Variants in ZNF182 observed in about 807,000 individuals in gnomAD.
ZNF182 encodes zinc finger protein 182.
In ZNF182, 10 loss-of-function variants were observed where a neutral mutation model predicts 28.1. The observed-to-expected ratio is 0.36, with a 90% CI of 0.22 to 0.60. The LOEUF (loss-of-function observed/expected upper bound fraction) is 0.60. Among genes scored for constraint, ZNF182 ranks in the 20% least tolerant of loss-of-function variants. The pLI is 0.75. For synonymous variants in ZNF182, 156 were observed against 158.7 expected (o/e 0.98, Z 0.13); for missense variants, 352 against 453.2 (o/e 0.78, Z 2.03).
In ZNF182 at chrX:47,981,697, G is replaced by A. The variant is rs2872484; in HGVS notation, c.232+1252C>T. ...AGGTGGATCACAAGGTCAGGAGATC[G>A]AGATCATCCTGGCTAACACGGTGAA... is the stretch of plus-strand genomic sequence containing the variant. On this transcript the variant is annotated intron_variant, in intron 5 of 5. Coordinates refer to ENST00000376943, the MANE Select transcript of ZNF182 (RefSeq NM_001007088.2). Among the ~76,000 whole-genome samples the A allele has an allele frequency of 4.6e-3, 516 of 111,354 alleles. 2 individuals are homozygous for A. Among genetic ancestry groups the A allele is most frequent in the Middle Eastern group, 0.019 (4 of 215 alleles).
chrX:47,988,635 C>T, intron 3 of ZNF182: 1 of 367,302 alleles, frequency 2.7e-6, no homozygotes, highest in Non-Finnish European at 4.8e-6. Context: ...CCAAATAAAC[C>T]ACTTTTCTTT....
Position 47,976,262 on chromosome X carries a change from G to A in ZNF182, c.1768C>T (p.Gln590Ter). 1 of 1,202,576 alleles carries A rather than the reference G, an allele frequency of 8.3e-7. No individual in the cohort carries two copies. The highest frequency in any genetic ancestry group is 1.1e-6 in the Non-Finnish European group (1 of 892,149). Reference protein sequence around the residue: ...KCTECGKAFTQKSNLIVHQRT... With the variant: ...KCTECGKAFT ...TGATGTACAATAAGGTTTGATTTTTGGGTAAAGGCTTTCCCACATTCTGTA... is the reference window on the plus strand; with the variant it reads ...TGATGTACAATAAGGTTTGATTTTTAGGTAAAGGCTTTCCCACATTCTGTA... The change falls in exon 6 of 6, where the codon CAA (glutamine) becomes TAA (stop). Residue 590 changes from glutamine to a stop codon, truncating the protein, a stop_gained. Coordinates refer to ENST00000376943, the MANE Select transcript of ZNF182 (RefSeq NM_001007088.2). LOFTEE classifies it high-confidence loss of function.
Position 47,976,320 on chromosome X carries a change from T to C in ZNF182, c.1710A>G (p.Gln570=), listed in dbSNP as rs781841316. 5 of 1,207,172 alleles carry C rather than the reference T, an allele frequency of 4.1e-6. No homozygotes were observed. Among genetic ancestry groups the C allele is most frequent in the South Asian group, 1.8e-5 (1 of 55,794 alleles). ...FREKSTFTVH[Q]RTHTGEKPYK... ...AGGGTTTCTCTCCAGTATGAGTTCTTTGATGTACAGTGAATGTTGACTTTT... is the reference window on the plus strand; with the variant it reads ...AGGGTTTCTCTCCAGTATGAGTTCTCTGATGTACAGTGAATGTTGACTTTT... The change falls in exon 6 of 6, where the codon CAA becomes CAG. Residue 570 remains glutamine (Q), a synonymous_variant. Transcript: ENST00000376943.
In ZNF182 at chrX:47,977,227, T is replaced by G. The variant is rs781804447; in HGVS notation, c.803A>C (p.Glu268Ala). ...ACATTCAGGACACTCAAAGGGTCTC[T>G]CTCCTGTATGAGTTCGCAAGTGTAT... ...LIIHLRTHTG[E>A]RPFECPECGK... Residue 268 changes from glutamate to alanine, a missense_variant, in exon 6 of 6, where the codon GAG (glutamate) becomes GCG (alanine). Physicochemically the swap from Glu to Ala is moderately radical, Grantham distance 107. Coordinates refer to ENST00000376943, the MANE Select transcript of ZNF182 (RefSeq NM_001007088.2). 2.5e-6 allele frequency: 3 copies of G among 1,208,647 alleles called. No individual in the cohort carries two copies. The highest frequency in any genetic ancestry group is 3.4e-6 in the Non-Finnish European group (3 of 894,572).
intron 3 of ZNF182, among the ~76,000 whole-genome samples, chrX:47,986,844 G>T (rs1424308845): frequency 8.9e-6 from 1 of 112,077 alleles, no homozygotes; most frequent in Non-Finnish European, 1.9e-5. Context: ...CATACTGGAT[G>T]CTTCCTGTCC....
chrX:47,987,820 T>C (rs1271691170), intron 3 of ZNF182, among the ~76,000 whole-genome samples: 1 of 111,966 alleles, frequency 8.9e-6, no homozygotes, highest in African/African-American at 3.2e-5. Context: ...CTAAATATAA[T>C]TATCCATTAA....
At chrX:47,995,052 C>T (rs1026966735) in intron 3 of ZNF182, among the ~76,000 whole-genome samples, 1 of 109,505 alleles carries the variant, frequency 9.1e-6, no homozygotes, top group Admixed American at 9.8e-5. Context: ...GCAGAAGAGG[C>T]CGGGCGCGGT....
At position 47,977,436 on chromosome X, in the gene ZNF182, T is replaced by C. The variant is rs782063806; in HGVS notation, c.594A>G (p.Arg198=). The C allele has an allele frequency of 5.0e-6, 6 of 1,209,285 alleles. No individual in the cohort carries two copies. In the African/African-American group the frequency reaches 7.0e-5, roughly 14 times the overall value. ...GYKECGKGLR[R]KKGLSLHQRI... Reference sequence around the variant, plus strand: ...TCTGATGTAGACTAAGGCCTTTCTTTCGCCTAAGACCTTTCCCACACTCTT... The same window carrying C: ...TCTGATGTAGACTAAGGCCTTTCTTCCGCCTAAGACCTTTCCCACACTCTT... Residue 198 remains arginine, a synonymous_variant, in exon 6 of 6, where the codon CGA becomes CGG. Coordinates refer to ENST00000376943, the MANE Select transcript of ZNF182 (RefSeq NM_001007088.2).
At chrX:47,990,814 G>T (rs782681134) in intron 3 of ZNF182, among the ~76,000 whole-genome samples, 1 of 111,696 alleles carries the variant, frequency 9.0e-6, no homozygotes, top group Non-Finnish European at 1.9e-5. Flanking sequence ...TTTTAGAAGA[G>T]AATTTGGCAA....
chrX:47,996,231 G>A (rs782488939), intron 3 of ZNF182, among the ~76,000 whole-genome samples: 181 of 110,769 alleles, frequency 1.6e-3, no homozygotes, highest in Non-Finnish European at 2.2e-3. Flanking sequence ...AAGGGGAGAG[G>A]GAAAAGGGAC....
At chrX:47,982,521 A>G (rs2058909538) in intron 5 of ZNF182, among the ~76,000 whole-genome samples, 2 of 112,131 alleles carry the variant, frequency 1.8e-5, no homozygotes, top group African/African-American at 3.2e-5. Context: ...GTTTTAGGAG[A>G]GCAAATCTGA....
chrX:47,988,230 T>A (rs782156235), intron 3 of ZNF182, among the ~76,000 whole-genome samples: 12 of 110,405 alleles, frequency 1.1e-4, no homozygotes, highest in Admixed American at 1.9e-4. Flanking sequence ...GGTATGAGAA[T>A]CGCTTGAACT....
Position 48,001,083 on chromosome X carries a change from A to G in ZNF182, c.15+1512T>C, listed in dbSNP as rs919250001. ...AATATGGAACAATTGGAACTCATAC[A>G]TTGCTAGGAGAAATGAAAAATGGTT... On this transcript the variant is annotated intron_variant, in intron 3 of 5. Coordinates refer to ENST00000376943, the MANE Select transcript of ZNF182 (RefSeq NM_001007088.2). 4.4e-5 allele frequency among the ~76,000 whole-genome samples: 5 copies of G among 112,621 alleles called. No homozygotes were observed. The East Asian group carries it at 1.4e-3, about 31-fold the overall frequency.
intron 3 of ZNF182, among the ~76,000 whole-genome samples, chrX:48,001,404 A>G (rs2058978097): frequency 8.9e-6 from 1 of 112,489 alleles, no homozygotes; most frequent in African/African-American, 3.2e-5. Context: ...TCTCCAGGGA[A>G]TTGTGCTGAG....
intron 5 of ZNF182, among the ~76,000 whole-genome samples, 162 bp downstream of exon 5, chrX:47,982,787 T>C (rs2058910503): frequency 9.1e-6 from 1 of 110,129 alleles, no homozygotes; most frequent in Non-Finnish European, 1.9e-5. Flanking sequence ...ACAGCGGGAG[T>C]GTCAGTTTTG....
intron 3 of ZNF182, among the ~76,000 whole-genome samples, chrX:47,999,008 T>G (rs1443888854): frequency 8.9e-6 from 1 of 112,174 alleles, no homozygotes; most frequent in Non-Finnish European, 1.9e-5. Context: ...GGAATCAACC[T>G]CAGTTTCCAT....
chrX:47,983,130 T>C (rs1047620437), intron 4 of ZNF182, 92 bp from the exon 5 acceptor site: 15 of 1,098,051 alleles, frequency 1.4e-5, no homozygotes, highest in Admixed American at 4.6e-5. Context: ...AAGGAATCTA[T>C]TGCTTGACAT....
chrX:47,977,129 A>C lies in ZNF182; in HGVS notation c.901T>G (p.Cys301Gly). 8.3e-7 allele frequency: 1 copy of C among 1,210,558 alleles called. No homozygotes were observed. Among genetic ancestry groups the C allele is most frequent in the Non-Finnish European group, 1.1e-6 (1 of 895,158 alleles). The part of the protein sequence containing the change: ...RTHTGEKPYE[C>G]NECGKAFTQK... Reference sequence around the variant, plus strand: ...GTGAAGGCTTTTCCACATTCATTACATTCATAAGGTTTTTCTCCTGTGTGA... The same window carrying C: ...GTGAAGGCTTTTCCACATTCATTACCTTCATAAGGTTTTTCTCCTGTGTGA... The change falls in exon 6 of 6, where the codon TGT becomes GGT. Residue 301 changes from cysteine to glycine, a missense_variant. Transcript: ENST00000376943.
chrX:47,994,690 A>C (rs2058952665), intron 3 of ZNF182, among the ~76,000 whole-genome samples: 1 of 111,596 alleles, frequency 9.0e-6, no homozygotes, highest in East Asian at 2.9e-4. Context: ...CCAGGCTGGA[A>C]TGCGGTGGTG....
Sources: allele counts gnomAD v4.1 joint callset (sites outside exome capture counted in the v4.1 genomes callset), GRCh38; gene constraint gnomAD v4.1.1; transcripts MANE v1.5; gene names NCBI Gene and HGNC (gene_info 2026-07-23, HGNC 2026-07-21).